The following LARGE1 variants were observed in gnomAD, a reference collection of about 807,000 sequenced individuals.
The protein encoded by LARGE1 is xylosyl- and glucuronyltransferase LARGE1.
A neutral mutation model predicts 87.6 loss-of-function variants in LARGE1; 43 were observed. That is an observed-to-expected ratio of 0.49 (90% CI 0.38 to 0.63). LARGE1 has a LOEUF of 0.63. LARGE1 is among the 30% of genes least tolerant of loss of function. The pLI is 0.00. For missense variants in LARGE1, 802 were observed against 1,000.2 expected (o/e 0.80, Z 2.67); for synonymous variants, 434 against 394.6 (o/e 1.10, Z -1.18).
intron 12 of LARGE1, among the ~76,000 whole-genome samples, chr22:33,289,644 T>C (rs1226117139): frequency 6.6e-6 from 1 of 152,130 alleles, no homozygotes; most frequent in Admixed American, 6.5e-5. Flanking sequence ...GACTTCTGCT[T>C]GCTCATCTAC....
intron 2 of LARGE1, among the ~76,000 whole-genome samples, chr22:33,739,372 G>A (rs1399107746): frequency 6.6e-6 from 1 of 152,148 alleles, no homozygotes; most frequent in Non-Finnish European, 1.5e-5. Context: ...GCTAACTGCA[G>A]AATCATAGCA....
intron 3 of LARGE1, among the ~76,000 whole-genome samples, chr22:33,640,730 A>C (rs767918377): frequency 1.6e-4 from 24 of 152,134 alleles, no homozygotes; most frequent in Non-Finnish European, 3.4e-4. Context: ...TCTAGCTGGG[A>C]TGATTGAGCT....
intron 12 of LARGE1, among the ~76,000 whole-genome samples, chr22:33,283,831 GGAAAGAAAAGAAAA>G (rs1930968391): frequency 8.1e-6 from 1 of 123,246 alleles, no homozygotes; most frequent in Non-Finnish European, 1.7e-5. Context: ...AGAAAAGAAA[GGAAAGAAAAGAAAA>G]GAAAGAAAAA....
In LARGE1 at chr22:33,888,917, TC is replaced by T. The variant is rs2064932793; in HGVS notation, c.-83+31077del. Among the ~76,000 whole-genome samples, 4 of 152,280 alleles carry T rather than the reference TC, an allele frequency of 2.6e-5. No individual in the cohort carries two copies. The South Asian group carries it at 8.3e-4, about 32-fold the overall frequency. On this transcript the variant is annotated intron_variant, in intron 1 of 14. Transcript: ENST00000397394. ...ACACTCACGAGTTTTGTAACATACT[TC>T]ACTCCCTTTAGAGATGAAGAGACTG...
chr22:33,864,245 C>T (rs909103706), intron 1 of LARGE1, among the ~76,000 whole-genome samples: 5 of 152,076 alleles, frequency 3.3e-5, no homozygotes, highest in African/African-American at 1.2e-4. Context: ...TCCTGGAGCC[C>T]CCATCAGTGC....
intron 6 of LARGE1, among the ~76,000 whole-genome samples, chr22:33,511,126 C>A (rs79950826): frequency 6.6e-6 from 1 of 152,172 alleles, no homozygotes; most frequent in African/African-American, 2.4e-5. Context: ...GCCAGACTTT[C>A]CTCCCATTTG....
At chr22:33,342,756 T>C (rs1939302029) in intron 9 of LARGE1, among the ~76,000 whole-genome samples, 1 of 152,172 alleles carries the variant, frequency 6.6e-6, no homozygotes. Context: ...GTGTATTCAC[T>C]ACAGGCAAGT....
chr22:33,855,729 G>C (rs1035490240), intron 1 of LARGE1, among the ~76,000 whole-genome samples: 6 of 152,188 alleles, frequency 3.9e-5, no homozygotes, highest in Non-Finnish European at 5.9e-5. Context: ...ATGAAACTCA[G>C]AGTGGGGGGG....
At chr22:33,442,770 G>T (rs1397307751) in intron 6 of LARGE1, among the ~76,000 whole-genome samples, 1 of 151,222 alleles carries the variant, frequency 6.6e-6, no homozygotes, top group Non-Finnish European at 1.5e-5. Flanking sequence ...TTAGTACTTG[G>T]TCCAGGCACT....
chr22:33,588,817 A>C (rs1256896895), intron 5 of LARGE1, among the ~76,000 whole-genome samples: 1 of 152,162 alleles, frequency 6.6e-6, no homozygotes, highest in Non-Finnish European at 1.5e-5. Context: ...ACAAACCCCC[A>C]CACACAGAAG....
Position 33,177,998 on chromosome 22 carries a change from C to A in LARGE1, c.1731-11166G>T, listed in dbSNP as rs8139760. Among the ~76,000 whole-genome samples, 296 of 152,284 alleles carry A rather than the reference C, an allele frequency of 1.9e-3. 2 individuals carry two copies. Among genetic ancestry groups the A allele is most frequent in the African/African-American group, 6.9e-3 (287 of 41,552 alleles). ...CTTGTGAAGAAGGTACCTTGCTTCT[C>A]CTTCACTTTCCGCCATGATTGCGAG... On this transcript the variant is annotated intron_variant, in intron 11 of 11. Transcript: ENST00000608642.
chr22:33,376,555 C>CT (rs1479462776), intron 9 of LARGE1, among the ~76,000 whole-genome samples: 2 of 152,118 alleles, frequency 1.3e-5, no homozygotes, highest in South Asian at 2.1e-4. Context: ...CTGTAGACAG[C>CT]TTTTTTTCAA....
the LARGE1 span, among the ~76,000 whole-genome samples, chr22:33,127,499 C>G: frequency 6.6e-6 from 1 of 152,204 alleles, no homozygotes; most frequent in Non-Finnish European, 1.5e-5. Context: ...AAAAGAAAAA[C>G]TTACTCAAGC....
At chr22:33,083,094 A>G in the LARGE1 span, among the ~76,000 whole-genome samples, 80 of 152,328 alleles carry the variant, frequency 5.3e-4, no homozygotes, top group African/African-American at 1.8e-3. Context: ...ATCATTTCTA[A>G]TATCAAAACA....
the LARGE1 span, among the ~76,000 whole-genome samples, chr22:33,126,192 C>T: frequency 6.1e-4 from 93 of 152,244 alleles, no homozygotes; most frequent in African/African-American, 2.1e-3. Context: ...ATTTAGGACA[C>T]GGCTGGAAGT....
chr22:33,846,304 A>G (rs1218344940), intron 1 of LARGE1, among the ~76,000 whole-genome samples: 1 of 152,208 alleles, frequency 6.6e-6, no homozygotes, highest in East Asian at 1.9e-4. Context: ...CAATCTCTAA[A>G]CATAAATTGT....
At chr22:33,546,316 A>G (rs1175835609) in intron 6 of LARGE1, among the ~76,000 whole-genome samples, 1 of 152,168 alleles carries the variant, frequency 6.6e-6, no homozygotes, top group African/African-American at 2.4e-5. Flanking sequence ...CCTTTGGTCC[A>G]TTCTGTGCCT....
intron 11 of LARGE1, among the ~76,000 whole-genome samples, chr22:33,223,389 C>A (rs368545394): frequency 2.6e-4 from 39 of 152,264 alleles, no homozygotes; most frequent in African/African-American, 8.2e-4. Context: ...GCTATAGGCA[C>A]CTTTTCTTCA....
chr22:33,481,824 G>A (rs199635883), intron 6 of LARGE1, among the ~76,000 whole-genome samples: 23 of 152,132 alleles, frequency 1.5e-4, no homozygotes, highest in Non-Finnish European at 2.5e-4. Flanking sequence ...TAAAGAGACC[G>A]GCACCAGTTC....
Sources: allele counts gnomAD v4.1 joint callset (sites outside exome capture counted in the v4.1 genomes callset), GRCh38; gene constraint gnomAD v4.1.1; transcripts MANE v1.5; gene names NCBI Gene and HGNC (gene_info 2026-07-23, HGNC 2026-07-21).